DAP: variants seen among roughly 807,000 people sequenced by gnomAD.
The protein encoded by DAP is death associated protein.
DAP carries 8 observed loss-of-function variants against 13.8 expected under a neutral mutation model. The ratio of observed to expected loss-of-function variants is 0.58; its 90% CI spans 0.34 to 1.05. The LOEUF is 1.05. Among genes scored for constraint, DAP ranks in the 50% least tolerant of loss-of-function variants. The pLI is 0.03. For missense variants in DAP, 106 were observed against 133.2 expected, an observed-to-expected ratio of 0.80 and a Z score of 1.01; for synonymous variants, 47 against 47.5, an observed-to-expected ratio of 0.99 and a Z score of 0.04.
intron 1 of DAP, among the ~76,000 whole-genome samples, chr5:10,751,512 C>T (rs1740045415): frequency 6.6e-6 from 1 of 152,096 alleles, no homozygotes; most frequent in Non-Finnish European, 1.5e-5. Flanking sequence ...AAATTCATTT[C>T]CCTCCCTGCT....
chr5:10,745,239 A>G (rs1432572567), intron 2 of DAP, among the ~76,000 whole-genome samples: 6 of 152,214 alleles, frequency 3.9e-5, no homozygotes, highest in Admixed American at 3.9e-4. Flanking sequence ...GGCAACTTAC[A>G]TCAATAGCTA....
intron 2 of DAP, among the ~76,000 whole-genome samples, chr5:10,709,869 C>T (rs1368393726): frequency 1.3e-5 from 2 of 152,200 alleles, no homozygotes; most frequent in Non-Finnish European, 2.9e-5. Context: ...TTCTTTAGGG[C>T]AATGATGTCC....
Position 10,748,212 on chromosome 5 carries a change from C to T in DAP, c.115G>A (p.Glu39Lys). The change falls in exon 2 of 4, where the codon GAG (glutamate) becomes AAG (lysine). Residue 39 changes from glutamate (E) to lysine (K), a missense_variant. Transcript: ENST00000230895. ...CATTCCTGGTCATCCTTGTCTTTCT[C>T]TTCTTTGGTGTCTCCTGTATGTGGG... is the stretch of plus-strand genomic sequence containing the variant. ...KHPHTGDTKE[E>K]KDKDDQEWES... 4 of 1,614,142 alleles carry T rather than the reference C, an allele frequency of 2.5e-6. No homozygotes were observed. The highest frequency in any genetic ancestry group is 3.4e-6 in the Non-Finnish European group (4 of 1,179,982).
At chr5:10,760,951 C>A (rs1219328143) in intron 1 of DAP, 63 bp downstream of exon 1, 1 of 1,079,862 alleles carries the variant, frequency 9.3e-7, no homozygotes, top group East Asian at 4.0e-5. Flanking sequence ...CCCCGCCCGG[C>A]GCCCCCGGGT....
chr5:10,745,362 G>T (rs1231846766), intron 2 of DAP, among the ~76,000 whole-genome samples: 4 of 152,180 alleles, frequency 2.6e-5, no homozygotes, highest in Admixed American at 2.6e-4. Context: ...CACTCATCAG[G>T]AATGTATCCT....
At chr5:10,714,716 G>A (rs1738936562) in intron 2 of DAP, among the ~76,000 whole-genome samples, 2 of 152,086 alleles carry the variant, frequency 1.3e-5, no homozygotes, top group Admixed American at 1.3e-4. Context: ...CATCATGGGG[G>A]TGGATTTCTC....
At chr5:10,760,541 TA>T (rs56203084) in intron 1 of DAP, among the ~76,000 whole-genome samples, 1 of 152,200 alleles carries the variant, frequency 6.6e-6, no homozygotes, top group Non-Finnish European at 1.5e-5. Flanking sequence ...TGATTAATGA[TA>T]AAAATTATTT....
intron 2 of DAP, among the ~76,000 whole-genome samples, chr5:10,735,755 T>A (rs1331851566): frequency 6.6e-6 from 1 of 152,218 alleles, no homozygotes; most frequent in Non-Finnish European, 1.5e-5. Context: ...GAGAATCATT[T>A]GCCATGTAAG....
intron 2 of DAP, among the ~76,000 whole-genome samples, chr5:10,712,093 C>T (rs1738867895): frequency 6.6e-6 from 1 of 152,130 alleles, no homozygotes; most frequent in African/African-American, 2.4e-5. Context: ...TTAGGGTGGA[C>T]CCTCACCCAA....
intron 2 of DAP, among the ~76,000 whole-genome samples, chr5:10,712,120 A>G (rs1579799458): frequency 6.6e-6 from 1 of 152,158 alleles, no homozygotes; most frequent in East Asian, 1.9e-4. Flanking sequence ...TGGTGTCCCT[A>G]TAAGGGGAGA....
chr5:10,728,674 C>T (rs1739354228), intron 2 of DAP, among the ~76,000 whole-genome samples: 1 of 152,204 alleles, frequency 6.6e-6, no homozygotes, highest in African/African-American at 2.4e-5. Flanking sequence ...TAATCACACA[C>T]TAGGAAAAAC....
intron 2 of DAP, among the ~76,000 whole-genome samples, chr5:10,708,441 A>C (rs1241979117): frequency 2.2e-5 from 2 of 92,468 alleles, no homozygotes; most frequent in Non-Finnish European, 5.7e-5. Flanking sequence ...TACACATATC[A>C]GACACACACA....
chr5:10,717,274 A>C (rs267980), intron 2 of DAP, among the ~76,000 whole-genome samples: 78,435 of 152,038 alleles, frequency 0.52, 22,182 homozygotes, highest in Non-Finnish European at 0.64. Context: ...GTAGAGAAAG[A>C]GCTGAAATTG....
intron 2 of DAP, among the ~76,000 whole-genome samples, chr5:10,736,197 T>C (rs1459001571): frequency 2.0e-5 from 3 of 152,144 alleles, no homozygotes; most frequent in Non-Finnish European, 2.9e-5. Flanking sequence ...GCCAACACCT[T>C]GATCTCAAGC....
rs1457802550 is a variant in DAP, at chr5:10,680,833, A to G, written c.*223T>C. The G allele has an allele frequency of 2.0e-6, 3 of 1,536,930 alleles. No homozygotes were observed. Among genetic ancestry groups the G allele is most frequent in the South Asian group, 2.4e-5 (2 of 84,068 alleles). On this transcript the variant is annotated 3_prime_UTR_variant, in exon 4 of 4. Transcript: ENST00000230895. ...TGCTAATGGCACCTCTAGGGGCACA[A>G]TGATCCTCAAATGACATCCAACCAG... is the stretch of plus-strand genomic sequence containing the variant.
At chr5:10,751,388 C>T (rs796643861) in intron 1 of DAP, among the ~76,000 whole-genome samples, 3 of 152,312 alleles carry the variant, frequency 2.0e-5, no homozygotes, top group African/African-American at 7.2e-5. Context: ...ATACAATTAT[C>T]TACCTACACC....
intron 2 of DAP, among the ~76,000 whole-genome samples, chr5:10,701,604 G>A (rs545596264): frequency 1.6e-4 from 24 of 151,734 alleles, no homozygotes; most frequent in Middle Eastern, 3.4e-3. Flanking sequence ...AGGGGGACGG[G>A]GGGCGGGGGG....
intron 2 of DAP, among the ~76,000 whole-genome samples, chr5:10,695,750 G>C (rs1738423727): frequency 6.6e-6 from 1 of 152,122 alleles, no homozygotes; most frequent in Non-Finnish European, 1.5e-5. Context: ...GCCAGGTCTG[G>C]GTCTGTGTGG....
Position 10,680,597 on chromosome 5 carries a change from C to T in DAP, c.*459G>A. 1.1e-6 allele frequency: 1 copy of T among 875,052 alleles called. No individual in the cohort carries two copies. Among genetic ancestry groups the T allele is most frequent in the Non-Finnish European group, 1.7e-6 (1 of 584,858 alleles). 54.2% of individuals were successfully genotyped at this position (875,052 alleles called of 1,614,324 possible). On this transcript the variant is annotated 3_prime_UTR_variant, in exon 4 of 4. Transcript: ENST00000230895. ...TCTAAGGTCCTTTATGAGGGGCCGC[C>T]CAAACTCATTCCCTTAGTTCTTACT...
Sources: gnomAD v4.1 joint callset for allele counts (sites outside exome capture counted in the v4.1 genomes callset) on GRCh38, gnomAD v4.1.1 for gene constraint, MANE v1.5 for transcripts, NCBI Gene and HGNC (gene_info 2026-07-23, HGNC 2026-07-21) for gene names.